CD8B: variants seen among roughly 807,000 people sequenced by gnomAD.
The protein encoded by CD8B is CD8 subunit beta, also known as T-cell surface glycoprotein CD8 beta chain.
Under a neutral mutation model 24.2 loss-of-function variants are expected in CD8B, and 6 were observed. The ratio of observed to expected loss-of-function variants is 0.25; its 90% CI spans 0.14 to 0.49. The LOEUF is 0.49. Ranked by LOEUF, CD8B falls within the 20% of genes least tolerant of loss-of-function variation. The probability of loss-of-function intolerance (pLI) is 0.98; values close to 1 mark genes in which losing one functional copy is unlikely to be tolerated. For missense variants in CD8B, 196 were observed against 271.3 expected, an observed-to-expected ratio of 0.72 and a Z score of 1.95; for synonymous variants, 84 against 108.3, an observed-to-expected ratio of 0.78 and a Z score of 1.39.
At position 86,840,111 on chromosome 2, in the gene CD8B, G is replaced by C. The variant is rs1434396866; in HGVS notation, c.*2196C>G. On this transcript the variant is annotated 3_prime_UTR_variant, in exon 6 of 6. Coordinates refer to ENST00000390655, the MANE Select transcript of CD8B (RefSeq NM_004931.5). Reference sequence around the variant, plus strand: ...ATCAAGGAGAAACATCTATGTCCGGGGGCAGGGAATCTGAGGCCAATTTGT... The same window carrying C: ...ATCAAGGAGAAACATCTATGTCCGGCGGCAGGGAATCTGAGGCCAATTTGT... 6.6e-6 allele frequency among the ~76,000 whole-genome samples: 1 copy of C among 151,868 alleles called. No individual in the cohort carries two copies. The highest frequency in any genetic ancestry group is 1.5e-5 in the Non-Finnish European group (1 of 67,972).
intron 3 of CD8B, among the ~76,000 whole-genome samples, chr2:86,850,348 A>C (rs1675914644): frequency 6.6e-6 from 1 of 152,062 alleles, no homozygotes; most frequent in Non-Finnish European, 1.5e-5. Flanking sequence ...CCAGCACCTA[A>C]GGGTGTTGTC....
At chr2:86,834,810 CCT>C (rs1481300931), downstream of CD8B, among the ~76,000 whole-genome samples, 1 of 151,814 alleles carries the variant, frequency 6.6e-6, no homozygotes, top group Non-Finnish European at 1.5e-5. Flanking sequence ...ATGGCGCGCA[CCT>C]GGAATCCCAG....
At chr2:86,828,834 C>T (rs1674790964) in intron 5 of CD8B, among the ~76,000 whole-genome samples, 1 of 152,078 alleles carries the variant, frequency 6.6e-6, no homozygotes, top group South Asian at 2.1e-4. Context: ...AAATGGGGTC[C>T]TACTCTAGTT....
intron 5 of CD8B, chr2:86,833,096 G>T: frequency 3.2e-6 from 1 of 308,062 alleles, no homozygotes; most frequent in South Asian, 2.7e-5. Context: ...ACATGAAGAT[G>T]CTTTCCTGTG....
At chr2:86,843,642 T>C in intron 5 of CD8B, 1 of 984,726 alleles carries the variant, frequency 1.0e-6, no homozygotes, top group Non-Finnish European at 1.2e-6. Flanking sequence ...TTTAGAGTAT[T>C]CAAAAATACA....
At position 86,832,316 on chromosome 2, in the gene CD8B, T is replaced by C. The variant is rs546901044; in HGVS notation, c.620+12606A>G. Among the ~76,000 whole-genome samples, 27 of 151,920 alleles carry C rather than the reference T, an allele frequency of 1.8e-4. 1 individual carries two copies. The East Asian group carries it at 5.0e-3, about 28-fold the overall frequency. Reference sequence around the variant, plus strand: ...CAACATGGTGAAACCTCGTCTCTACTAAAAATACAAAATTAGCCAGGCATG... The same window carrying C: ...CAACATGGTGAAACCTCGTCTCTACCAAAAATACAAAATTAGCCAGGCATG... On this transcript the variant is annotated intron_variant, in intron 5 of 5. Coordinates refer to the CD8B transcript ENST00000331469.
chr2:86,839,039 C>T lies in CD8B; in HGVS notation c.*3268G>A, dbSNP rs1675299110. ...ACCTCATGCTCCCTCCTAATGACCA[C>T]CACTGGACCAAGGGTAACTGTATCC... is the stretch of plus-strand genomic sequence containing the variant. On this transcript the variant is annotated 3_prime_UTR_variant, in exon 6 of 6. Transcript: ENST00000390655. Among the ~76,000 whole-genome samples, 1 of 152,222 alleles carries T rather than the reference C, an allele frequency of 6.6e-6. No individual in the cohort carries two copies. Among genetic ancestry groups the T allele is most frequent in the Non-Finnish European group, 1.5e-5 (1 of 68,042 alleles).
At position 86,858,082 on chromosome 2, in the gene CD8B, G is replaced by A. The variant is rs755373342; in HGVS notation, c.378C>T (p.Phe126=). The change falls in exon 2 of 6, where the codon TTC becomes TTT. Residue 126 remains phenylalanine, a synonymous_variant. Transcript: ENST00000390655. ...CCACACTCAGCTGAGTTCCCTTCCC[G>A]AAGGTCAGCTCGGGGCTCCCGACGA... ...CMIVGSPELT[F]GKGTQLSVVD... 25 of 1,613,912 alleles carry A rather than the reference G, an allele frequency of 1.5e-5. No homozygotes were observed. The highest frequency in any genetic ancestry group is 2.2e-5 in the South Asian group (2 of 91,078).
At chr2:86,860,315 G>T (rs545218457) in intron 1 of CD8B, among the ~76,000 whole-genome samples, 152 of 152,234 alleles carry the variant, frequency 1.0e-3, no homozygotes, top group African/African-American at 1.2e-3. Context: ...ATAAAAACAA[G>T]AAGGAAATGA....
At chr2:86,826,223 G>C (rs1674681875) in intron 5 of CD8B, among the ~76,000 whole-genome samples, 1 of 152,112 alleles carries the variant, frequency 6.6e-6, no homozygotes, top group African/African-American at 2.4e-5. Flanking sequence ...CTGGGCCACA[G>C]GGGTGAGGAG....
intron 5 of CD8B, among the ~76,000 whole-genome samples, chr2:86,819,378 T>G (rs1328062543): frequency 2.0e-5 from 3 of 152,234 alleles, no homozygotes; most frequent in Non-Finnish European, 4.4e-5. Flanking sequence ...AATGCCTGGC[T>G]TCAAAGGACA....
downstream of CD8B, among the ~76,000 whole-genome samples, chr2:86,837,007 A>T (rs1262011373): frequency 6.6e-6 from 1 of 152,100 alleles, no homozygotes; most frequent in Non-Finnish European, 1.5e-5. Flanking sequence ...AATATAAAAA[A>T]TTAGCCAGGT....
At chr2:86,854,136 C>T (rs1282997544) in intron 2 of CD8B, among the ~76,000 whole-genome samples, 2 of 152,132 alleles carry the variant, frequency 1.3e-5, no homozygotes, top group African/African-American at 4.8e-5. Flanking sequence ...ATGATAACTG[C>T]CACCTCCTTC....
chr2:86,823,342 C>T (rs1311254951), intron 5 of CD8B, among the ~76,000 whole-genome samples: 6 of 152,230 alleles, frequency 3.9e-5, no homozygotes, highest in South Asian at 2.1e-4. Context: ...TGCAGTGGCA[C>T]GATCATGGCT....
At chr2:86,835,758 A>C (rs1311803800), downstream of CD8B, among the ~76,000 whole-genome samples, 2 of 149,006 alleles carry the variant, frequency 1.3e-5, no homozygotes, top group Non-Finnish European at 3.0e-5. Flanking sequence ...GCTGTGAACA[A>C]CACTCCCAGC....
At chr2:86,825,403 G>T (rs1674638621) in intron 5 of CD8B, among the ~76,000 whole-genome samples, 1 of 152,172 alleles carries the variant, frequency 6.6e-6, no homozygotes, top group African/African-American at 2.4e-5. Flanking sequence ...TGACTTCCTT[G>T]GGAAAGAGTC....
At chr2:86,821,822 C>T (rs73947276) in intron 5 of CD8B, 14,941 of 336,276 alleles carry the variant, frequency 0.044, 1,749 homozygotes, top group African/African-American at 0.27. Flanking sequence ...TGTTCCGAGC[C>T]CCCTGCTTCC....
chr2:86,855,204 A>G (rs1676176587), intron 2 of CD8B, among the ~76,000 whole-genome samples: 1 of 152,150 alleles, frequency 6.6e-6, no homozygotes, highest in South Asian at 2.1e-4. Context: ...CATCTTCTAT[A>G]TAAAAGTAGA....
At chr2:86,815,492 G>A (rs1244726152), downstream of CD8B, 10 of 731,624 alleles carry the variant, frequency 1.4e-5, no homozygotes, top group Non-Finnish European at 2.5e-5. Context: ...CTATGACTTG[G>A]GGGGTTGATG....
Sources: gnomAD v4.1 joint callset for allele counts (sites outside exome capture counted in the v4.1 genomes callset) on GRCh38, gnomAD v4.1.1 for gene constraint, MANE v1.5 for transcripts, NCBI Gene and HGNC (gene_info 2026-07-23, HGNC 2026-07-21) for gene names.